The following MAP2K2 variants were observed in gnomAD, a reference collection of about 807,000 sequenced individuals.
MAP2K2 encodes the protein mitogen-activated protein kinase kinase 2.
A neutral mutation model predicts 43.7 loss-of-function variants in MAP2K2; 24 were observed. The observed-to-expected ratio is 0.55, with a 90% confidence interval of 0.40 to 0.77. MAP2K2 has a LOEUF of 0.77. Among genes scored for constraint, MAP2K2 ranks in the 30% least tolerant of loss-of-function variants. MAP2K2 has a pLI of 0.00. For synonymous variants in MAP2K2, 244 were observed against 239.7 expected, an observed-to-expected ratio of 1.02 and a Z score of -0.17; for missense variants, 470 against 566.8, an observed-to-expected ratio of 0.83 and a Z score of 1.73.
At chr19:4,111,023 C>A (rs10404853) in intron 2 of MAP2K2, among the ~76,000 whole-genome samples, 6,591 of 152,142 alleles carry the variant, frequency 0.043, 504 homozygotes, top group African/African-American at 0.15. Flanking sequence ...ATGCTTAGTG[C>A]GAGATGCCAG....
Position 4,124,081 on chromosome 19 carries a change from C to G in MAP2K2, c.-206G>C, listed in dbSNP as rs115202186. On this transcript the variant is annotated 5_prime_UTR_variant, in exon 1 of 11. Transcript: ENST00000262948. ...GAGGCGAGCGAGCCGCTACCGCTGC[C>G]GAGGCCCGAAGAAGGCTGACGCCGC... 6 of 213,452 alleles carry G rather than the reference C, an allele frequency of 2.8e-5. No homozygotes were observed. Among genetic ancestry groups the G allele is most frequent in the African/African-American group, 9.1e-5 (4 of 44,072 alleles). 13.2% of individuals were successfully genotyped at this position (213,452 alleles called of 1,614,324 possible).
At position 4,101,469 on chromosome 19, in the gene MAP2K2, T is replaced by G. The variant is rs2041010841; in HGVS notation, c.529-189A>C. 6.6e-6 allele frequency among the ~76,000 whole-genome samples: 1 copy of G among 152,138 alleles called. No homozygotes were observed. Among genetic ancestry groups the G allele is most frequent in the African/African-American group, 2.4e-5 (1 of 41,422 alleles). ...AGACGAGACAGTGCTGACAGCCCTGTGCTGGCGTGTGCAAGTCAACCCCGG... is the reference window on the plus strand; with the variant it reads ...AGACGAGACAGTGCTGACAGCCCTGGGCTGGCGTGTGCAAGTCAACCCCGG... On this transcript the variant is annotated intron_variant, in intron 4 of 10. Transcript: ENST00000262948. This position sits in a 1 kb window ranked among gnomAD's most constrained non-coding sequence, Gnocchi z 6.3.
At chr19:4,096,927 C>T (rs767305052) in intron 8 of MAP2K2, among the ~76,000 whole-genome samples, 3 of 151,576 alleles carry the variant, frequency 2.0e-5, no homozygotes, top group Non-Finnish European at 4.4e-5. Context: ...ATGGGAGACG[C>T]GACACACGTG....
chr19:4,099,267 C>G lies in MAP2K2; in HGVS notation c.853G>C (p.Asp285His), dbSNP rs150369301. 3 of 1,605,734 alleles carry G rather than the reference C, an allele frequency of 1.9e-6. No individual in the cohort carries two copies. Among genetic ancestry groups the G allele is most frequent in the Non-Finnish European group, 2.5e-6 (3 of 1,176,642 alleles). Residue 285 changes from aspartate (D) to histidine (H), a missense_variant, in exon 7 of 11, where the codon GAC becomes CAC. Physicochemically the swap from Asp to His is moderately conservative, Grantham distance 81. Coordinates refer to ENST00000262948, the MANE Select transcript of MAP2K2 (RefSeq NM_030662.4). ...CTGTGAGGCTCTCCTTCTTCCCCGT[C>G]GACCACGGGCCGGCCAAAGATGGCC... is the stretch of plus-strand genomic sequence containing the variant. The part of the protein sequence containing the change: ...LEAIFGRPVV[D>H]GEEGEPHSIS...
chr19:4,102,318 T>C, intron 4 of MAP2K2, 58 bp downstream of exon 4: 1 of 1,434,426 alleles, frequency 7.0e-7, no homozygotes, highest in South Asian at 1.2e-5. Context: ...CCTGGCCGTG[T>C]GGAAGAGGTC....
In MAP2K2 at chr19:4,101,116, T is replaced by A. The variant is rs760997753; in HGVS notation, c.608A>T (p.Asn203Ile). ...RDVKPSNILV[N>I]SRGEIKLCDF... ...ACACAGCTTGATCTCCCCTCTAGAG[T>A]TCACGAGGATGTTGGAGGGCTTCAC... is the stretch of plus-strand genomic sequence containing the variant. Residue 203 changes from asparagine (N) to isoleucine (I), a missense_variant, in exon 6 of 11, where the codon AAC becomes ATC. By Grantham distance (149) the Asn-to-Ile change is moderately radical. Transcript: ENST00000262948. The surrounding 1 kb of genome is among the most constrained non-coding windows in gnomAD (Gnocchi z 6.3). 1.2e-6 allele frequency: 2 copies of A among 1,607,838 alleles called. No homozygotes were observed. Among genetic ancestry groups the A allele is most frequent in the Non-Finnish European group, 1.7e-6 (2 of 1,177,318 alleles).
At chr19:4,102,698 G>T (rs545445456) in intron 3 of MAP2K2, 136 of 1,178,868 alleles carry the variant, frequency 1.2e-4, no homozygotes, top group Non-Finnish European at 1.5e-4. Flanking sequence ...TCCCATCCTC[G>T]AATCAGTTGC....
intron 3 of MAP2K2, 45 bp from the exon 4 acceptor site, chr19:4,102,498 CGG>C: frequency 7.1e-7 from 1 of 1,410,506 alleles, no homozygotes; most frequent in Non-Finnish European, 9.8e-7. Flanking sequence ...CGCAGGTGGC[CGG>C]GAAGCCACGG....
intron 4 of MAP2K2, 24 bp downstream of exon 4, chr19:4,102,352 G>A (rs369288225): frequency 7.9e-5 from 124 of 1,571,306 alleles, no homozygotes; most frequent in Middle Eastern, 5.0e-4. Flanking sequence ...GTGGGGGCGC[G>A]ATGTGGGTCT....
chr19:4,092,867 T>C (rs573263864), intron 10 of MAP2K2, among the ~76,000 whole-genome samples: 1 of 151,826 alleles, frequency 6.6e-6, no homozygotes, highest in African/African-American at 2.4e-5. Context: ...AGCCCAGGAG[T>C]TTGAGACCAG....
chr19:4,123,266 G>A (rs948862885), intron 1 of MAP2K2, among the ~76,000 whole-genome samples: 3 of 148,884 alleles, frequency 2.0e-5, no homozygotes, highest in African/African-American at 7.5e-5. Context: ...TTCCTACTGA[G>A]GGACTCCCCT....
Position 4,123,852 on chromosome 19 carries a change from C to A in MAP2K2, c.24G>T (p.Val8=). 1 of 1,520,572 alleles carries A rather than the reference C, an allele frequency of 6.6e-7. No homozygotes were observed. Among genetic ancestry groups the A allele is most frequent in the African/African-American group, 1.4e-5 (1 of 70,350 alleles). 94.2% of individuals were successfully genotyped at this position (1,520,572 alleles called of 1,614,324 possible). A position where few individuals can be genotyped will look rare whatever the true frequency, so the allele number is the denominator to read the frequency against. The change falls in exon 1 of 11, where the codon GTG becomes GTT. Residue 8 remains valine (V), a synonymous_variant. Transcript: ENST00000262948. MLARRKP[V]LPALTINPTI... ...TAGGGTTGATGGTGAGCGCCGGCAG[C>A]ACCGGCTTCCTCCGGGCCAGCATCG... is the stretch of plus-strand genomic sequence containing the variant.
intron 2 of MAP2K2, 29 bp from the exon 3 acceptor site, chr19:4,110,684 T>TG (rs752480068): frequency 5.0e-6 from 8 of 1,602,660 alleles, no homozygotes; most frequent in Non-Finnish European, 6.8e-6. Context: ...GAGACTGGCT[T>TG]GGGGGGTGCC....
chr19:4,094,937 G>A (rs555506906), intron 9 of MAP2K2: 5 of 356,628 alleles, frequency 1.4e-5, no homozygotes, highest in African/African-American at 2.0e-5. Flanking sequence ...CGGGGTGTCC[G>A]CAGCTCCTTC....
chr19:4,108,280 G>A (rs191679132), intron 3 of MAP2K2, among the ~76,000 whole-genome samples: 37 of 152,128 alleles, frequency 2.4e-4, no homozygotes, highest in African/African-American at 8.7e-4. Flanking sequence ...TCGCTCTGTG[G>A]CCCAGGCTGG....
intron 3 of MAP2K2, chr19:4,103,256 C>T (rs1215794553): frequency 2.0e-6 from 2 of 985,266 alleles, no homozygotes; most frequent in African/African-American, 3.5e-5. Context: ...CCGGGTGTGG[C>T]CCCACATCCA....
chr19:4,102,627 G>C, intron 3 of MAP2K2, 174 bp from the exon 4 acceptor site: 2 of 901,036 alleles, frequency 2.2e-6, no homozygotes, highest in East Asian at 2.7e-5. Flanking sequence ...TCTGCCTTTG[G>C]GTCTGAACAC....
intron 3 of MAP2K2, among the ~76,000 whole-genome samples, chr19:4,106,569 C>A (rs2041088051): frequency 1.3e-5 from 2 of 152,062 alleles, no homozygotes; most frequent in African/African-American, 4.8e-5. Flanking sequence ...CCACCATGCC[C>A]AGCTAATTTT....
intron 1 of MAP2K2, among the ~76,000 whole-genome samples, chr19:4,119,837 G>C (rs1599309279): frequency 6.6e-6 from 1 of 152,348 alleles, no homozygotes; most frequent in Admixed American, 6.5e-5. Flanking sequence ...ACTGAAGCAG[G>C]GAATGAAGGC....
Sources: gnomAD v4.1 joint callset for allele counts (sites outside exome capture counted in the v4.1 genomes callset) on GRCh38, gnomAD v4.1.1 for gene constraint, Gnocchi (gnomAD v3.1) non-coding constraint, MANE v1.5 for transcripts, NCBI Gene and HGNC (gene_info 2026-07-23, HGNC 2026-07-21) for gene names.